Variants in ADGRL3 observed in about 807,000 individuals in gnomAD.
The protein encoded by ADGRL3 is adhesion G protein-coupled receptor L3.
In ADGRL3, 62 loss-of-function variants were observed where a neutral mutation model predicts 153.5. The ratio of observed to expected loss-of-function variants is 0.40; its 90% CI spans 0.33 to 0.50. The LOEUF (loss-of-function observed/expected upper bound fraction) is 0.50, where lower values mean the gene tolerates loss of function less well. ADGRL3 is among the 20% of genes least tolerant of loss of function. The pLI is 0.47. For synonymous variants in ADGRL3, 710 were observed against 672.5 expected, an observed-to-expected ratio of 1.06 and a Z score of -0.86; for missense variants, 1,641 against 1,859.4, an observed-to-expected ratio of 0.88 and a Z score of 2.16.
intron 9 of ADGRL3, among the ~76,000 whole-genome samples, chr4:61,847,922 T>C (rs192298244): frequency 0.047 from 489 of 10,468 alleles, no homozygotes; most frequent in South Asian, 0.081. Flanking sequence ...ATATATTATA[T>C]ATATAATATA....
intron 21 of ADGRL3, among the ~76,000 whole-genome samples, chr4:62,007,752 C>T (rs2099166878): frequency 6.6e-6 from 1 of 151,930 alleles, no homozygotes; most frequent in South Asian, 2.1e-4. Context: ...CTTGGCCACT[C>T]CTCAAACCTA....
intron 9 of ADGRL3, among the ~76,000 whole-genome samples, chr4:61,863,231 CTTTT>C (rs1189171329): frequency 1.2e-5 from 1 of 80,904 alleles, no homozygotes; most frequent in African/African-American, 5.0e-5. Context: ...GGGCATCATT[CTTTT>C]TTTTTTTTTT....
intron 2 of ADGRL3, among the ~76,000 whole-genome samples, chr4:61,392,562 T>G (rs2096822021): frequency 6.6e-6 from 1 of 151,184 alleles, no homozygotes; most frequent in Non-Finnish European, 1.5e-5. Context: ...GGCTTGTGCC[T>G]GTAGTCCCAG....
intron 8 of ADGRL3, among the ~76,000 whole-genome samples, chr4:61,767,601 G>C (rs2152276080): frequency 6.6e-6 from 1 of 152,252 alleles, no homozygotes; most frequent in East Asian, 1.9e-4. Context: ...AGAGAGCCTT[G>C]GGCCAGAGTT....
chr4:61,349,654 T>C (rs2096000119), intron 1 of ADGRL3, among the ~76,000 whole-genome samples: 1 of 152,134 alleles, frequency 6.6e-6, no homozygotes, highest in African/African-American at 2.4e-5. Flanking sequence ...AGTACCTGTG[T>C]TGTAGATTGT....
intron 4 of ADGRL3, among the ~76,000 whole-genome samples, chr4:61,549,799 T>A (rs1038929907): frequency 6.6e-6 from 1 of 152,030 alleles, no homozygotes; most frequent in African/African-American, 2.4e-5. Context: ...TTAATATAAC[T>A]TCCCTGATTA....
intron 2 of ADGRL3, among the ~76,000 whole-genome samples, chr4:61,429,286 A>G (rs1370901859): frequency 2.0e-5 from 3 of 152,210 alleles, no homozygotes; most frequent in Non-Finnish European, 4.4e-5. Context: ...TGAATCTAAA[A>G]GAACACAACC....
intron 5 of ADGRL3, among the ~76,000 whole-genome samples, chr4:61,644,329 T>C (rs1238727412): frequency 6.6e-6 from 1 of 151,346 alleles, no homozygotes; most frequent in African/African-American, 2.4e-5. Context: ...TGCCTCCTGC[T>C]AGCTTTTGAA....
At chr4:61,608,118 G>A (rs1272040356) in intron 5 of ADGRL3, among the ~76,000 whole-genome samples, 2 of 152,240 alleles carry the variant, frequency 1.3e-5, no homozygotes, top group Admixed American at 6.5e-5. Context: ...GAGGAGAGCA[G>A]TGAATAAACA....
chr4:61,913,549 A>G (rs2098731870), intron 13 of ADGRL3, among the ~76,000 whole-genome samples: 3 of 152,178 alleles, frequency 2.0e-5, no homozygotes, highest in Admixed American at 6.6e-5. Context: ...TCAAGAACCA[A>G]ATTAATGGGT....
chr4:61,571,471 C>T (rs2098838549), intron 4 of ADGRL3, among the ~76,000 whole-genome samples: 1 of 152,010 alleles, frequency 6.6e-6, no homozygotes, highest in African/African-American at 2.4e-5. Flanking sequence ...TATGATTGCA[C>T]CATGGCACTC....
chr4:61,642,063 T>C (rs920370607), intron 5 of ADGRL3, among the ~76,000 whole-genome samples: 5 of 149,806 alleles, frequency 3.3e-5, no homozygotes, highest in African/African-American at 9.8e-5. Flanking sequence ...TTTCATGTGT[T>C]TTTTGGCTGC....
intron 6 of ADGRL3, among the ~76,000 whole-genome samples, chr4:61,716,249 T>C (rs566840419): frequency 1.3e-5 from 2 of 152,222 alleles, no homozygotes; most frequent in African/African-American, 4.8e-5. Context: ...AGATAGAACC[T>C]TTTAAAAATC....
At chr4:61,867,540 A>ATATATATATATATATATATATAC (rs201200813) in intron 9 of ADGRL3, among the ~76,000 whole-genome samples, 1 of 132,122 alleles carries the variant, frequency 7.6e-6, no homozygotes, top group Non-Finnish European at 1.7e-5. Context: ...ATATATATAT[A>ATATATATATATATATATATATAC]ATTGTAGGAG....
intron 4 of ADGRL3, among the ~76,000 whole-genome samples, chr4:61,521,826 T>G (rs1040326072): frequency 7.2e-5 from 11 of 152,094 alleles, no homozygotes; most frequent in African/African-American, 9.7e-5. Context: ...AACCATTTAC[T>G]GATTGAACAG....
intron 1 of ADGRL3, among the ~76,000 whole-genome samples, chr4:61,352,723 T>A (rs971145438): frequency 1.3e-5 from 2 of 152,130 alleles, no homozygotes; most frequent in Admixed American, 6.5e-5. Context: ...ATCAAAAAAA[T>A]TTTGTGACTT....
intron 13 of ADGRL3, among the ~76,000 whole-genome samples, chr4:61,924,767 T>C (rs2098787314): frequency 6.6e-6 from 1 of 152,190 alleles, no homozygotes; most frequent in African/African-American, 2.4e-5. Context: ...CTCAATTCCT[T>C]TGTCTTTTTT....
At chr4:61,658,535 G>T (rs147468601) in intron 5 of ADGRL3, among the ~76,000 whole-genome samples, 3 of 152,088 alleles carry the variant, frequency 2.0e-5, no homozygotes, top group Non-Finnish European at 4.4e-5. Flanking sequence ...ATATTGCATA[G>T]TGTTGGACAC....
At chr4:61,805,719 A>G (rs2097546311) in intron 8 of ADGRL3, among the ~76,000 whole-genome samples, 1 of 152,128 alleles carries the variant, frequency 6.6e-6, no homozygotes, top group South Asian at 2.1e-4. Context: ...CCCCTACCTA[A>G]TAATTGTATT....
Sources: gnomAD v4.1 joint callset for allele counts (sites outside exome capture counted in the v4.1 genomes callset) on GRCh38, gnomAD v4.1.1 for gene constraint, MANE v1.5 for transcripts, NCBI Gene and HGNC (gene_info 2026-07-23, HGNC 2026-07-21) for gene names.